The following NBAS variants were observed in gnomAD, a reference collection of about 807,000 sequenced individuals.
The protein encoded by NBAS is NAG/BC035112 fusion.
NBAS carries 219 observed loss-of-function variants against 302.5 expected under a neutral mutation model. The observed-to-expected ratio is 0.72, with a 90% CI of 0.65 to 0.81. NBAS has a LOEUF of 0.81. NBAS is among the 30% of genes least tolerant of loss of function. The pLI is 0.00. For missense variants in NBAS, 2,932 were observed against 2,841.6 expected (o/e 1.03, Z -0.72); for synonymous variants, 1,118 against 1,021.6 (o/e 1.09, Z -1.80).
At chr2:15,546,513 G>A (rs1664123047) in intron 6 of NBAS, among the ~76,000 whole-genome samples, 1 of 152,122 alleles carries the variant, frequency 6.6e-6, no homozygotes, top group East Asian at 1.9e-4. Context: ...TGGATCATTT[G>A]ATGTCAGGAT....
Position 15,461,786 on chromosome 2 carries a change from G to C in NBAS, c.2103C>G (p.Ile701Met). 1 of 1,568,826 alleles carries C rather than the reference G, an allele frequency of 6.4e-7. No individual in the cohort carries two copies. Among genetic ancestry groups the C allele is most frequent in the African/African-American group, 1.4e-5 (1 of 73,908 alleles). ...GTTCAGATGCATGAGGCACTCCTAGGATTTCCTGAGGGGAAATTTAATGAA... is the reference window on the plus strand; with the variant it reads ...GTTCAGATGCATGAGGCACTCCTAGCATTTCCTGAGGGGAAATTTAATGAA... ...YLDRLATYEE[I>M]LGVPHASEQR... The change falls in exon 20 of 52, where the codon ATC becomes ATG. Residue 701 changes from isoleucine to methionine, a missense_variant. Coordinates refer to ENST00000281513, the MANE Select transcript of NBAS (RefSeq NM_015909.4).
At chr2:15,095,601 A>C in the NBAS span, among the ~76,000 whole-genome samples, 48 of 152,246 alleles carry the variant, frequency 3.2e-4, no homozygotes, top group African/African-American at 1.2e-3. Flanking sequence ...GGAAAACAGC[A>C]TTTTCAGCTG....
At chr2:15,250,763 C>T (rs979645492) in intron 44 of NBAS, among the ~76,000 whole-genome samples, 5 of 152,098 alleles carry the variant, frequency 3.3e-5, no homozygotes, top group Admixed American at 1.3e-4. Flanking sequence ...AATGAGATAC[C>T]GTCTCATGCC....
the NBAS span, among the ~76,000 whole-genome samples, chr2:14,921,474 A>T: frequency 2.3e-4 from 35 of 152,350 alleles, no homozygotes; most frequent in African/African-American, 7.7e-4. Flanking sequence ...TGCCACAAAC[A>T]TCTAAAAGTT....
intron 35 of NBAS, among the ~76,000 whole-genome samples, chr2:15,333,295 G>T (rs1672434632): frequency 6.6e-6 from 1 of 152,152 alleles, no homozygotes; most frequent in Admixed American, 6.5e-5. Context: ...AAGTGACTCA[G>T]CAAAGCCACA....
At chr2:15,055,857 T>C in the NBAS span, among the ~76,000 whole-genome samples, 4 of 152,176 alleles carry the variant, frequency 2.6e-5, no homozygotes, top group African/African-American at 9.7e-5. Context: ...AAATGTATGG[T>C]TTTCAATATA....
At chr2:14,888,006 G>A in the NBAS span, among the ~76,000 whole-genome samples, 2 of 152,204 alleles carry the variant, frequency 1.3e-5, no homozygotes, top group African/African-American at 2.4e-5. Context: ...TACATAAGGT[G>A]GTTGATTCTG....
chr2:14,987,472 A>AATATATATAT, the NBAS span, among the ~76,000 whole-genome samples: 2 of 149,104 alleles, frequency 1.3e-5, no homozygotes, highest in East Asian at 3.9e-4. Flanking sequence ...TCTTATGACA[A>AATATATATAT]ATATATATAT....
rs3815601 is a variant in NBAS at position 15,485,945 on chromosome 2, T to C, written c.1083+2949A>G. 6.3e-3 allele frequency among the ~76,000 whole-genome samples: 966 copies of C among 152,208 alleles called. 9 individuals carry two copies. Among genetic ancestry groups the C allele is most frequent in the African/African-American group, 0.022 (909 of 41,522 alleles). ...AAGAAATAAAATTAAATGCCTTCCA[T>C]GTTCCCTACTTGGGACCAAAACTTC... On this transcript the variant is annotated intron_variant, in intron 12 of 51. Transcript: ENST00000281513.
At chr2:15,099,925 T>A in the NBAS span, among the ~76,000 whole-genome samples, 1 of 152,174 alleles carries the variant, frequency 6.6e-6, no homozygotes, top group African/African-American at 2.4e-5. Flanking sequence ...ACACAAAAAT[T>A]TCAGTGGGGA....
chr2:14,788,360 G>T, the NBAS span, among the ~76,000 whole-genome samples: 1 of 152,196 alleles, frequency 6.6e-6, no homozygotes, highest in Non-Finnish European at 1.5e-5. Flanking sequence ...TCCGTTGCTG[G>T]TGAGGAACTG....
chr2:15,091,156 G>T, the NBAS span, among the ~76,000 whole-genome samples: 1 of 151,938 alleles, frequency 6.6e-6, no homozygotes, highest in Admixed American at 6.6e-5. Context: ...GCTGTCTGTC[G>T]GTTAATACGT....
the NBAS span, among the ~76,000 whole-genome samples, chr2:14,797,433 A>C: frequency 0.4 from 60,269 of 152,016 alleles, 12,450 homozygotes; most frequent in African/African-American, 0.5. Context: ...AGGCCAGCCC[A>C]GGAGCCGTGG....
chr2:14,933,154 CAT>C, the NBAS span, among the ~76,000 whole-genome samples: 102 of 152,330 alleles, frequency 6.7e-4, 1 homozygote, highest in Admixed American at 3.6e-3. Flanking sequence ...CTTGATAAGA[CAT>C]AGTGCTAACA....
At chr2:15,463,105 T>TATTAAGAATATTTAATGCCTATA (rs1679574734) in intron 19 of NBAS, among the ~76,000 whole-genome samples, 1 of 152,016 alleles carries the variant, frequency 6.6e-6, no homozygotes, top group Non-Finnish European at 1.5e-5. Context: ...AGATCTCACC[T>TATTAAGAATATTTAATGCCTATA]CAACAACAAC....
At chr2:15,488,657 T>G (rs1399756223) in intron 12 of NBAS, among the ~76,000 whole-genome samples, 1 of 152,264 alleles carries the variant, frequency 6.6e-6, no homozygotes, top group South Asian at 2.1e-4. Flanking sequence ...TAACAAACTC[T>G]TTTACAGATT....
At chr2:14,942,910 C>T in the NBAS span, among the ~76,000 whole-genome samples, 2 of 152,188 alleles carry the variant, frequency 1.3e-5, no homozygotes, top group Non-Finnish European at 2.9e-5. Flanking sequence ...AAAGGCAAGA[C>T]CTGGTTTCTA....
intron 19 of NBAS, 53 bp from the exon 20 acceptor site, chr2:15,461,844 G>A: frequency 2.0e-6 from 2 of 988,214 alleles, no homozygotes; most frequent in Non-Finnish European, 3.2e-6. Flanking sequence ...TTAAATATGG[G>A]TGACAAGAAA....
intron 3 of NBAS, among the ~76,000 whole-genome samples, chr2:15,555,365 C>G (rs1664597880): frequency 6.6e-6 from 1 of 150,460 alleles, no homozygotes; most frequent in East Asian, 2.0e-4. Flanking sequence ...AATGAAGATA[C>G]AAAACATGTA....
Sources: allele counts gnomAD v4.1 joint callset (sites outside exome capture counted in the v4.1 genomes callset), GRCh38; gene constraint gnomAD v4.1.1; transcripts MANE v1.5; gene names NCBI Gene and HGNC (gene_info 2026-07-23, HGNC 2026-07-21).